Variants in OSMR observed in about 807,000 individuals in gnomAD.
The protein encoded by OSMR is oncostatin M receptor.
OSMR carries 81 observed loss-of-function variants against 99.9 expected under a neutral mutation model. The ratio of observed to expected loss-of-function variants is 0.81; its 90% CI spans 0.68 to 0.97. The LOEUF (loss-of-function observed/expected upper bound fraction) is 0.97. Among genes scored for constraint, OSMR ranks in the 50% least tolerant of loss-of-function variants. The pLI, the probability that OSMR is intolerant of heterozygous loss-of-function variation, is 0.00. For synonymous variants in OSMR, 406 were observed against 410.4 expected, an observed-to-expected ratio of 0.99 and a Z score of 0.13; for missense variants, 1,099 against 1,153.4, an observed-to-expected ratio of 0.95 and a Z score of 0.68.
chr5:38,914,100 G>A (rs1745763740), intron 9 of OSMR, among the ~76,000 whole-genome samples: 1 of 152,146 alleles, frequency 6.6e-6, no homozygotes, highest in Non-Finnish European at 1.5e-5. Context: ...GTATTAATAG[G>A]TTGTAACAGT....
Position 38,883,885 on chromosome 5 carries a change from A to G in OSMR, c.477A>G (p.Glu159=). ...LFVFPKDKLV[E]EGTNVTICYV... is the part of the protein sequence containing the mutation. The stretch of plus-strand genomic sequence containing the variant: ...TTTTCCCTAAAGATAAGCTGGTGGA[A>G]GAAGGCACCAATGTTACCATTTGTT... Residue 159 remains glutamate, a synonymous_variant, in exon 5 of 18, where the codon GAA becomes GAG. Transcript: ENST00000274276. 1 of 1,613,484 alleles carries G rather than the reference A, an allele frequency of 6.2e-7. No homozygotes were observed. Among genetic ancestry groups the G allele is most frequent in the Non-Finnish European group, 8.5e-7 (1 of 1,179,574 alleles).
At chr5:38,899,016 A>C (rs1744715269) in intron 7 of OSMR, among the ~76,000 whole-genome samples, 1 of 127,852 alleles carries the variant, frequency 7.8e-6, no homozygotes, top group Admixed American at 9.7e-5. Flanking sequence ...GCTGGAGTGC[A>C]GTGGTGCGAT....
chr5:38,920,881 C>T (rs1405214108), intron 11 of OSMR, among the ~76,000 whole-genome samples: 2 of 152,182 alleles, frequency 1.3e-5, no homozygotes, highest in Non-Finnish European at 1.5e-5. Context: ...AGGAAACCTA[C>T]TTTAACATAT....
chr5:38,901,867 C>T (rs1396579526), intron 7 of OSMR, among the ~76,000 whole-genome samples: 1 of 152,166 alleles, frequency 6.6e-6, no homozygotes, highest in East Asian at 1.9e-4. Flanking sequence ...AGCAAAAGGA[C>T]ACCCAGGTTA....
Position 38,846,212 on chromosome 5 carries a change from C to T in OSMR, c.-189C>T, listed in dbSNP as rs979281543. On this transcript the variant is annotated 5_prime_UTR_variant, in exon 1 of 18. Coordinates refer to ENST00000274276, the MANE Select transcript of OSMR (RefSeq NM_003999.3). ...GGTGGCTTTTCCGACGGGCGAGCCC[C>T]GTGCTGTGCGGGAAAGAATCCGACA... 6.6e-5 allele frequency: 10 copies of T among 152,286 alleles called. No individual in the cohort carries two copies. Among genetic ancestry groups the T allele is most frequent in the African/African-American group, 2.4e-4 (10 of 41,454 alleles). The allele number at this position is 152,286 out of a possible 1,614,324, so 9.4% of individuals were successfully genotyped here. A position where few individuals can be genotyped will look rare whatever the true frequency, so the allele number is the denominator to read the frequency against.
At chr5:38,897,498 C>T (rs1168878475) in intron 7 of OSMR, among the ~76,000 whole-genome samples, 1 of 151,890 alleles carries the variant, frequency 6.6e-6, no homozygotes, top group African/African-American at 2.4e-5. Context: ...TAATATCTCC[C>T]TTTTTATCTT....
chr5:38,942,476 G>T (rs1343575603), intron 1 of OSMR: 8 of 535,434 alleles, frequency 1.5e-5, no homozygotes, highest in African/African-American at 3.9e-5. Context: ...TTGAGATAGG[G>T]TCTTGCTCAG....
At chr5:38,927,672 C>A (rs1202516021) in intron 15 of OSMR, among the ~76,000 whole-genome samples, 2 of 152,176 alleles carry the variant, frequency 1.3e-5, no homozygotes, top group Non-Finnish European at 2.9e-5. Flanking sequence ...GCCATGAAGA[C>A]CTCTGACATG....
chr5:38,897,119 T>A (rs1744572754), intron 7 of OSMR, among the ~76,000 whole-genome samples: 1 of 152,028 alleles, frequency 6.6e-6, no homozygotes, highest in Non-Finnish European at 1.5e-5. Context: ...TTCATTTTTT[T>A]ATCTGTCTCT....
intron 9 of OSMR, among the ~76,000 whole-genome samples, chr5:38,914,416 G>A (rs904009888): frequency 1.3e-5 from 2 of 152,204 alleles, no homozygotes; most frequent in African/African-American, 4.8e-5. Flanking sequence ...ATACACTGTT[G>A]GAGGGAATAT....
chr5:38,936,123 T>A (rs948600303), downstream of OSMR, among the ~76,000 whole-genome samples: 8 of 152,282 alleles, frequency 5.3e-5, no homozygotes, highest in Non-Finnish European at 7.4e-5. Context: ...CAATTTCAAA[T>A]AAATATATAC....
intron 1 of OSMR, among the ~76,000 whole-genome samples, chr5:38,861,564 C>T (rs1002939562): frequency 2.0e-5 from 3 of 152,254 alleles, no homozygotes; most frequent in African/African-American, 7.2e-5. Flanking sequence ...ATCTTTTCCC[C>T]ACCTTTCCCC....
chr5:38,907,914 C>A (rs1020728375), intron 9 of OSMR, among the ~76,000 whole-genome samples: 1 of 152,176 alleles, frequency 6.6e-6, no homozygotes, highest in East Asian at 1.9e-4. Flanking sequence ...TTGGCATAAG[C>A]ACAACGTGTG....
At chr5:38,896,664 C>T (rs891286933) in intron 7 of OSMR, among the ~76,000 whole-genome samples, 1 of 152,062 alleles carries the variant, frequency 6.6e-6, no homozygotes, top group African/African-American at 2.4e-5. Flanking sequence ...ATTGCTCTAG[C>T]AAGGACTTCC....
At chr5:38,932,733 CA>C in intron 17 of OSMR, 138 bp from the exon 18 acceptor site, 2 of 1,515,620 alleles carry the variant, frequency 1.3e-6, no homozygotes, top group South Asian at 2.6e-5. Context: ...TTTTCAACAT[CA>C]CCTCCAGGTT....
At chr5:38,903,532 A>G (rs141312333) in intron 7 of OSMR, among the ~76,000 whole-genome samples, 270 of 152,286 alleles carry the variant, frequency 1.8e-3, no homozygotes, top group African/African-American at 6.2e-3. Flanking sequence ...TATATCCTTG[A>G]CATTGTTAAT....
intron 2 of OSMR, among the ~76,000 whole-genome samples, chr5:38,872,043 G>T (rs1742423887): frequency 6.6e-6 from 1 of 152,160 alleles, no homozygotes; most frequent in Non-Finnish European, 1.5e-5. Context: ...AGACCCAGGA[G>T]CCCTAGGTTC....
intron 1 of OSMR, among the ~76,000 whole-genome samples, chr5:38,847,230 T>C (rs1444491621): frequency 6.6e-6 from 1 of 152,254 alleles, no homozygotes; most frequent in Non-Finnish European, 1.5e-5. Context: ...TGGGTCAAAC[T>C]ACTTATCACC....
Position 38,918,993 on chromosome 5 carries a change from G to A in OSMR, c.1516G>A (p.Val506Ile), listed in dbSNP as rs147042111. The A allele has an allele frequency of 1.8e-3, 2,891 of 1,614,026 alleles. 6 individuals carry two copies. Among genetic ancestry groups the A allele is most frequent in the South Asian group, 4.8e-3 (434 of 91,062 alleles). Reference protein sequence around the residue: ...ILDRCSYQICVIANNSVGASP... With the variant: ...ILDRCSYQICIIANNSVGASP... ...TGACAGGTGTTCCTACCAAATCTGC[G>A]TCATAGCCAACAACAGTGTGGGTGC... Residue 506 changes from valine (V) to isoleucine (I), a missense_variant, in exon 11 of 18, where the codon GTC (valine) becomes ATC (isoleucine). Transcript: ENST00000274276.
Sources: allele counts gnomAD v4.1 joint callset (sites outside exome capture counted in the v4.1 genomes callset), GRCh38; gene constraint gnomAD v4.1.1; transcripts MANE v1.5; gene names NCBI Gene and HGNC (gene_info 2026-07-23, HGNC 2026-07-21).